Variants in ITPKC observed in about 807,000 individuals in gnomAD.
ITPKC encodes the protein IP3 3-kinase C.
ITPKC carries 33 observed loss-of-function variants against 67.1 expected under a neutral mutation model. The ratio of observed to expected loss-of-function variants is 0.49; its 90% CI spans 0.37 to 0.66. The LOEUF (loss-of-function observed/expected upper bound fraction) is 0.66, where lower values mean the gene tolerates loss of function less well. ITPKC is among the 30% of genes least tolerant of loss of function. The pLI, the probability that ITPKC is intolerant of heterozygous loss-of-function variation, is 0.00. For missense variants in ITPKC, 820 were observed against 892.1 expected, an observed-to-expected ratio of 0.92 and a Z score of 1.03; for synonymous variants, 341 against 359.8, an observed-to-expected ratio of 0.95 and a Z score of 0.59.
chr19:40,717,511 T>C lies in ITPKC; in HGVS notation c.376T>C (p.Trp126Arg). ...GTCCAGCCTCCGGACGCATCTAGAA[T>C]GGAGCTGGTCAGAGCTGGAGACGAC... ...DRSSLRTHLE[W>R]SWSELETTCL... Residue 126 changes from tryptophan (W) to arginine (R), a missense_variant, in exon 1 of 7, where the codon TGG (tryptophan) becomes CGG (arginine). Physicochemically the swap from Trp to Arg is moderately radical, Grantham distance 101. Coordinates refer to ENST00000263370, the MANE Select transcript of ITPKC (RefSeq NM_025194.3). 2 of 1,613,896 alleles carry C rather than the reference T, an allele frequency of 1.2e-6. No homozygotes were observed. The highest frequency in any genetic ancestry group is 1.7e-6 in the Non-Finnish European group (2 of 1,179,944).
chr19:40,719,164 A>G (rs1395590398), intron 1 of ITPKC, among the ~76,000 whole-genome samples: 1 of 152,052 alleles, frequency 6.6e-6, no homozygotes, highest in Non-Finnish European at 1.5e-5. Flanking sequence ...CCCTGGCTGG[A>G]GTCTGCCCTG....
At chr19:40,729,143 C>A in intron 2 of ITPKC, 59 bp from the exon 3 acceptor site, 2 of 1,367,690 alleles carry the variant, frequency 1.5e-6, no homozygotes, top group East Asian at 2.3e-5. Context: ...CAGGCAGCTG[C>A]GGAGAGGTTC....
chr19:40,718,380 G>C (rs2144729279), intron 1 of ITPKC, 90 bp downstream of exon 1: 1 of 1,437,772 alleles, frequency 7.0e-7, no homozygotes, highest in African/African-American at 1.4e-5. Flanking sequence ...CCCATTTACT[G>C]TTAGTTGCCC....
At chr19:40,738,545 C>G (rs369095306) in intron 6 of ITPKC, among the ~76,000 whole-genome samples, 2 of 151,948 alleles carry the variant, frequency 1.3e-5, no homozygotes, top group South Asian at 2.1e-4. Flanking sequence ...GAGTGAGACT[C>G]TGTCTCAAAA....
At chr19:40,729,143 C>T (rs1020368982) in intron 2 of ITPKC, 59 bp from the exon 3 acceptor site, 25 of 1,367,572 alleles carry the variant, frequency 1.8e-5, no homozygotes, top group East Asian at 6.9e-5. Context: ...CAGGCAGCTG[C>T]GGAGAGGTTC....
chr19:40,729,184 T>A lies in ITPKC; in HGVS notation c.1256-18T>A, dbSNP rs765606668. 11 of 1,605,470 alleles carry A rather than the reference T, an allele frequency of 6.9e-6. No homozygotes were observed. Among genetic ancestry groups the A allele is most frequent in the African/African-American group, 1.3e-5 (1 of 74,616 alleles). On this transcript the variant is annotated intron_variant, in intron 2 of 6. Coordinates refer to ENST00000263370, the MANE Select transcript of ITPKC (RefSeq NM_025194.3). ...CTGATCCAGTTCCTGATCCTCTCAT[T>A]TATTCTACCACCTTTAGGGAACTTC...
chr19:40,720,984 A>T (rs916145462), intron 1 of ITPKC, among the ~76,000 whole-genome samples: 1 of 151,634 alleles, frequency 6.6e-6, no homozygotes, highest in Non-Finnish European at 1.5e-5. Flanking sequence ...TATCTTGCCC[A>T]GGCTGGTCTT....
rs1430019168 is a variant in ITPKC, at chr19:40,739,694, A to T, written c.*134A>T. 5.5e-6 allele frequency: 4 copies of T among 723,582 alleles called. No homozygotes were observed. Among genetic ancestry groups the T allele is most frequent in the Non-Finnish European group, 9.0e-6 (4 of 445,138 alleles). The allele number at this position is 723,582 out of a possible 1,614,324, so 44.8% of individuals were successfully genotyped here. On this transcript the variant is annotated 3_prime_UTR_variant, in exon 7 of 7. Coordinates refer to ENST00000263370, the MANE Select transcript of ITPKC (RefSeq NM_025194.3). ...CGGGAGAGATTGTGTCATGTGCCACACGAGACCAACGTGGAAAAGTCTGAA... is the reference window on the plus strand; with the variant it reads ...CGGGAGAGATTGTGTCATGTGCCACTCGAGACCAACGTGGAAAAGTCTGAA...
chr19:40,733,489 A>G (rs1599654515), intron 4 of ITPKC, 125 bp downstream of exon 4: 1 of 849,126 alleles, frequency 1.2e-6, no homozygotes, highest in Non-Finnish European at 1.8e-6. Context: ...GGGGCTGGGG[A>G]AGCCCAGCCT....
intron 1 of ITPKC, among the ~76,000 whole-genome samples, chr19:40,724,698 C>G (rs1223743083): frequency 6.6e-6 from 1 of 152,118 alleles, no homozygotes; most frequent in Non-Finnish European, 1.5e-5. Flanking sequence ...CCTGAAACCC[C>G]AACACTTTGG....
chr19:40,727,876 G>A (rs1356809694), intron 2 of ITPKC, among the ~76,000 whole-genome samples: 1 of 152,166 alleles, frequency 6.6e-6, no homozygotes, highest in African/African-American at 2.4e-5. Context: ...GTGCAGTGGT[G>A]CAGTCATAGC....
chr19:40,719,256 CGTGCCT>C (rs1011941667), intron 1 of ITPKC, among the ~76,000 whole-genome samples: 2 of 152,132 alleles, frequency 1.3e-5, no homozygotes, highest in African/African-American at 4.8e-5. Flanking sequence ...CCTGCCTTGA[CGTGCCT>C]GTGCCTGTGT....
In ITPKC at chr19:40,737,740, G is replaced by A; in HGVS notation, c.1819G>A (p.Glu607Lys). 1 of 1,614,174 alleles carries A rather than the reference G, an allele frequency of 6.2e-7. No homozygotes were observed. The highest frequency in any genetic ancestry group is 8.5e-7 in the Non-Finnish European group (1 of 1,180,032). Residue 607 changes from glutamate to lysine, a missense_variant, in exon 6 of 7, where the codon GAG becomes AAG. By Grantham distance (56) the Glu-to-Lys change is moderately conservative (BLOSUM62 1). Around this residue, in one of 2 missense-constraint regions of ITPKC, gnomAD observed 339 missense variants for 422.0 expected, o/e 0.80. Coordinates refer to ENST00000263370, the MANE Select transcript of ITPKC (RefSeq NM_025194.3). ...ACLEELREALEISPFFKTHEV... is the reference protein window; with the variant it reads ...ACLEELREALKISPFFKTHEV... ...CCTAGAAGAACTTCGTGAAGCTCTG[G>A]AGATCTCCCCCTTCTTCAAGACCCA...
chr19:40,736,829 A>ATT (rs33978293), intron 4 of ITPKC, among the ~76,000 whole-genome samples, 157 bp from the exon 5 acceptor site: 75,090 of 147,106 alleles, frequency 0.51, 19,289 homozygotes, highest in South Asian at 0.6. Flanking sequence ...CCACACCAGA[A>ATT]TTTTTTTTTT....
In ITPKC at chr19:40,736,994, T is replaced by C; in HGVS notation, c.1683T>C (p.Asp561=). 1 of 1,587,674 alleles carries C rather than the reference T, an allele frequency of 6.3e-7. No homozygotes were observed. Residue 561 remains aspartate, a synonymous_variant, in exon 5 of 7, where the codon GAT becomes GAC. Transcript: ENST00000263370. ...GFRIEGIKKA[D]GTCNTNFKKT... ...CACACCCTGCCCTACAGAAGGCAGATGGGACCTGTAACACCAACTTCAAGA... is the reference window on the plus strand; with the variant it reads ...CACACCCTGCCCTACAGAAGGCAGACGGGACCTGTAACACCAACTTCAAGA...
chr19:40,720,807 G>A (rs1017328109), intron 1 of ITPKC, among the ~76,000 whole-genome samples: 2 of 152,034 alleles, frequency 1.3e-5, no homozygotes, highest in African/African-American at 2.4e-5. Flanking sequence ...CGTTCCCACT[G>A]CCCAGCATAC....
chr19:40,736,926 G>C, intron 4 of ITPKC, 60 bp from the exon 5 acceptor site: 3 of 1,163,894 alleles, frequency 2.6e-6, no homozygotes, highest in Non-Finnish European at 3.8e-6. Flanking sequence ...TGAGGTTGCT[G>C]GGTATTGGGT....
chr19:40,735,344 T>C (rs2082289941), intron 4 of ITPKC, among the ~76,000 whole-genome samples: 1 of 151,448 alleles, frequency 6.6e-6, no homozygotes, highest in South Asian at 2.1e-4. Flanking sequence ...CTCTTCTATT[T>C]TTTTTTTTTT....
At chr19:40,724,012 TTTC>T (rs1409043484) in intron 1 of ITPKC, among the ~76,000 whole-genome samples, 1 of 152,222 alleles carries the variant, frequency 6.6e-6, no homozygotes, top group African/African-American at 2.4e-5. Flanking sequence ...GGAGCTTCCA[TTTC>T]TTTTCTTACT....
Sources: gnomAD v4.1 joint callset for allele counts (sites outside exome capture counted in the v4.1 genomes callset) on GRCh38, gnomAD v4.1.1 for gene constraint, gnomAD v4.1.1 regional missense constraint, MANE v1.5 for transcripts, NCBI Gene and HGNC (gene_info 2026-07-23, HGNC 2026-07-21) for gene names.